ALDH1A2: variants seen among roughly 807,000 people sequenced by gnomAD.
The protein encoded by ALDH1A2 is aldehyde dehydrogenase 1 family member A2.
A neutral mutation model predicts 60.3 loss-of-function variants in ALDH1A2; 27 were observed. The observed-to-expected ratio is 0.45, with a 90% CI of 0.33 to 0.62. The LOEUF (loss-of-function observed/expected upper bound fraction) is 0.62, where lower values mean the gene tolerates loss of function less well. Ranked by LOEUF, ALDH1A2 falls within the 20% of genes least tolerant of loss-of-function variation. The probability of loss-of-function intolerance (pLI) is 0.02; values close to 1 mark genes in which losing one functional copy is unlikely to be tolerated. For missense variants in ALDH1A2, 581 were observed against 643.8 expected (o/e 0.90, Z 1.06); for synonymous variants, 289 against 232.4 (o/e 1.24, Z -2.21).
chr15:57,980,086 C>T (rs1354965832), intron 7 of ALDH1A2: 3 of 305,776 alleles, frequency 9.8e-6, no homozygotes, highest in African/African-American at 2.2e-5. Context: ...ACAGATGCCT[C>T]TTCACGCCAT....
At chr15:57,992,311 T>C (rs1238422583) in intron 7 of ALDH1A2, among the ~76,000 whole-genome samples, 1 of 152,168 alleles carries the variant, frequency 6.6e-6, no homozygotes, top group Non-Finnish European at 1.5e-5. Flanking sequence ...TGGGGTATAG[T>C]GAGTTGCCAA....
chr15:58,064,142 G>C (rs933046770), intron 1 of ALDH1A2, among the ~76,000 whole-genome samples: 29 of 151,834 alleles, frequency 1.9e-4, no homozygotes, highest in Admixed American at 5.9e-4. Context: ...AGAGCCTGAA[G>C]AGGTTAGAGA....
At chr15:57,967,013 C>A (rs1370095427) in intron 7 of ALDH1A2, among the ~76,000 whole-genome samples, 2 of 152,152 alleles carry the variant, frequency 1.3e-5, no homozygotes, top group African/African-American at 2.4e-5. Context: ...CTGAAATTTT[C>A]CTGAAAATTA....
At chr15:57,971,606 GTACA>G (rs1448776334) in intron 7 of ALDH1A2, among the ~76,000 whole-genome samples, 2 of 151,804 alleles carry the variant, frequency 1.3e-5, no homozygotes, top group Non-Finnish European at 2.9e-5. Flanking sequence ...AAAAAAATTG[GTACA>G]GACAGGGTCT....
chr15:57,977,278 G>A (rs760070685), intron 7 of ALDH1A2, among the ~76,000 whole-genome samples: 4 of 151,866 alleles, frequency 2.6e-5, no homozygotes, highest in Non-Finnish European at 4.4e-5. Flanking sequence ...TGTCAATTTT[G>A]GCCATTGCCT....
intron 4 of ALDH1A2, among the ~76,000 whole-genome samples, chr15:57,999,211 A>T (rs531893519): frequency 6.6e-6 from 1 of 152,294 alleles, no homozygotes; most frequent in Admixed American, 6.5e-5. Context: ...GGATCTAATT[A>T]AACAAAAGAG....
intron 4 of ALDH1A2, among the ~76,000 whole-genome samples, chr15:58,001,281 A>G (rs535167927): frequency 5.7e-4 from 86 of 152,086 alleles, no homozygotes; most frequent in African/African-American, 2.0e-3. Context: ...ATAAAAACAT[A>G]TTAATGACTC....
chr15:58,023,011 T>C (rs1038568849), intron 1 of ALDH1A2, among the ~76,000 whole-genome samples: 3 of 152,134 alleles, frequency 2.0e-5, no homozygotes, highest in African/African-American at 4.8e-5. Context: ...ATCAGAAAAT[T>C]TCAAAATCCC....
intron 1 of ALDH1A2, among the ~76,000 whole-genome samples, chr15:58,038,159 C>G (rs1322132170): frequency 6.6e-6 from 1 of 151,606 alleles, no homozygotes; most frequent in Non-Finnish European, 1.5e-5. Flanking sequence ...CCTTTCTTAT[C>G]TCTTTCAACA....
At position 57,955,323 on chromosome 15, in the gene ALDH1A2, T is replaced by A. The variant is rs1893483081; in HGVS notation, c.1485-54A>T. Reference sequence around the variant, plus strand: ...TACCAGAAGTCCAGGGAGCTGCATGTGAGTGCAGCGGGAGTCCTGGGGAGG... The same window carrying A: ...TACCAGAAGTCCAGGGAGCTGCATGAGAGTGCAGCGGGAGTCCTGGGGAGG... On this transcript the variant is annotated intron_variant, in intron 12 of 12. Coordinates refer to ENST00000249750, the MANE Select transcript of ALDH1A2 (RefSeq NM_003888.4). 1.9e-6 allele frequency: 3 copies of A among 1,576,756 alleles called. No homozygotes were observed. The East Asian group carries it at 6.7e-5, about 35-fold the overall frequency.
At chr15:57,989,629 T>C (rs1488119812) in intron 7 of ALDH1A2, among the ~76,000 whole-genome samples, 2 of 152,076 alleles carry the variant, frequency 1.3e-5, no homozygotes, top group African/African-American at 4.8e-5. Context: ...GTTTTTGCCA[T>C]TAATCAAATT....
At chr15:57,988,393 A>G (rs1176697489) in intron 7 of ALDH1A2, among the ~76,000 whole-genome samples, 2 of 152,260 alleles carry the variant, frequency 1.3e-5, no homozygotes, top group Non-Finnish European at 2.9e-5. Context: ...GAAGGCAGAC[A>G]AAGAGGGAAA....
At chr15:58,057,009 G>C (rs550830420) in intron 1 of ALDH1A2, among the ~76,000 whole-genome samples, 1 of 152,130 alleles carries the variant, frequency 6.6e-6, no homozygotes, top group South Asian at 2.1e-4. Flanking sequence ...ACAGAAATTT[G>C]GCAATCCCTA....
intron 7 of ALDH1A2, among the ~76,000 whole-genome samples, chr15:57,976,240 A>C (rs1566934668): frequency 6.6e-6 from 1 of 152,196 alleles, no homozygotes; most frequent in Non-Finnish European, 1.5e-5. Context: ...ACAGCAAGAA[A>C]TCATGAGTGA....
intron 7 of ALDH1A2, among the ~76,000 whole-genome samples, chr15:57,984,267 A>G (rs553655278): frequency 6.6e-6 from 1 of 152,264 alleles, no homozygotes; most frequent in Non-Finnish European, 1.5e-5. Flanking sequence ...CAAAGCATTT[A>G]GCAGGTACTT....
chr15:58,029,358 C>A (rs1403022904), intron 1 of ALDH1A2, among the ~76,000 whole-genome samples: 1 of 152,102 alleles, frequency 6.6e-6, no homozygotes, highest in Non-Finnish European at 1.5e-5. Flanking sequence ...AGAACAAAGA[C>A]ACAACGTACC....
At chr15:57,978,327 G>A (rs1310569012) in intron 7 of ALDH1A2, among the ~76,000 whole-genome samples, 1 of 152,138 alleles carries the variant, frequency 6.6e-6, no homozygotes, top group African/African-American at 2.4e-5. Context: ...TTGCCTGTGG[G>A]TTTGTCTTAA....
chr15:57,961,205 T>C lies in ALDH1A2; in HGVS notation c.1341A>G (p.Ala447=). The C allele has an allele frequency of 6.2e-7, 1 of 1,614,160 alleles. No homozygotes were observed. The highest frequency in any genetic ancestry group is 8.5e-7 in the Non-Finnish European group (1 of 1,179,980). The part of the protein sequence containing the change: ...RANNSDFGLV[A]AVFTNDINKA... ...TGTTGATGTCATTAGTAAAGACAGC[T>C]GCTACGAGTCCAAAGTCTGAGTTAT... The change falls in exon 11 of 13, where the codon GCA becomes GCG. Residue 447 remains alanine, a synonymous_variant. Coordinates refer to ENST00000249750, the MANE Select transcript of ALDH1A2 (RefSeq NM_003888.4).
chr15:57,961,071 T>G lies in ALDH1A2; in HGVS notation c.1409+66A>C, dbSNP rs3784260. On this transcript the variant is annotated intron_variant, in intron 11 of 12. Transcript: ENST00000249750. ...ATTCCCCATCCTTCCAAGGAGATAC[T>G]TGTTTATTTCACCCTGGTCCCTATA... is the stretch of plus-strand genomic sequence containing the variant. 0.42 allele frequency: 672,178 copies of G among 1,589,194 alleles called. 148,495 individuals carry two copies. The highest frequency in any genetic ancestry group is 0.46 in the Non-Finnish European group (539,489 of 1,161,014).
Sources: allele counts gnomAD v4.1 joint callset (sites outside exome capture counted in the v4.1 genomes callset), GRCh38; gene constraint gnomAD v4.1.1; transcripts MANE v1.5; gene names NCBI Gene and HGNC (gene_info 2026-07-23, HGNC 2026-07-21).